The following ABCC12 variants were observed in gnomAD, a reference collection of about 807,000 sequenced individuals.
ABCC12 encodes the protein ATP binding cassette subfamily C member 12.
In ABCC12, 142 loss-of-function variants were observed where a neutral mutation model predicts 151.1. The ratio of observed to expected loss-of-function variants is 0.94; its 90% CI spans 0.82 to 1.08. ABCC12 has a LOEUF of 1.08. Ranked by LOEUF, ABCC12 falls within the 50% of genes least tolerant of loss-of-function variation. The pLI is 0.00. For synonymous variants in ABCC12, 645 were observed against 646.4 expected (o/e 1.00, Z 0.03); for missense variants, 1,638 against 1,691.1 (o/e 0.97, Z 0.55).
rs41280935 is a variant in ABCC12 at position 48,146,948 on chromosome 16, C to T, written c.-50-474G>A. Among the ~76,000 whole-genome samples, 1,206 of 152,072 alleles carry T rather than the reference C, an allele frequency of 7.9e-3. 4 individuals carry two copies. The highest frequency in any genetic ancestry group is 0.017 in the Middle Eastern group (5 of 294). On this transcript the variant is annotated intron_variant, in intron 2 of 30. Transcript: ENST00000311303. ...ACAAACATGCACACACACCGCCATGCGCATACACCCACACACACCCACGCA... is the reference window on the plus strand; with the variant it reads ...ACAAACATGCACACACACCGCCATGTGCATACACCCACACACACCCACGCA...
chr16:48,087,780 G>T, intron 27 of ABCC12, 146 bp downstream of exon 27: 1 of 803,102 alleles, frequency 1.2e-6, no homozygotes, highest in Non-Finnish European at 1.9e-6. Context: ...ACAGGGACCA[G>T]CAGTGCTTGT....
At chr16:48,141,047 C>T in intron 5 of ABCC12, 127 bp from the exon 6 acceptor site, 1 of 1,380,380 alleles carries the variant, frequency 7.2e-7, no homozygotes, top group Non-Finnish European at 9.8e-7. Flanking sequence ...GTGGCTGCTG[C>T]TGTGCTTGAC....
intron 2 of ABCC12, among the ~76,000 whole-genome samples, chr16:48,148,138 G>T (rs1363912367): frequency 6.6e-6 from 1 of 152,066 alleles, no homozygotes; most frequent in Admixed American, 6.5e-5. Context: ...AGTAGAGACA[G>T]GGTTTTGCCA....
At chr16:48,107,723 C>T (rs753924950) in intron 19 of ABCC12, among the ~76,000 whole-genome samples, 84 of 152,160 alleles carry the variant, frequency 5.5e-4, no homozygotes, top group Non-Finnish European at 9.6e-4. Context: ...CAAGGAAGGT[C>T]GGGCATGGTG....
chr16:48,154,180 C>A (rs1389903562), intron 1 of ABCC12, among the ~76,000 whole-genome samples: 2 of 152,084 alleles, frequency 1.3e-5, no homozygotes, highest in Non-Finnish European at 2.9e-5. Flanking sequence ...ACTGGTGCAC[C>A]CCTCTGCTAG....
chr16:48,138,579 TGAATTGCCAGGACTCAAAGA>T (rs1209514159), intron 7 of ABCC12, among the ~76,000 whole-genome samples: 1 of 152,112 alleles, frequency 6.6e-6, no homozygotes, highest in Non-Finnish European at 1.5e-5. Context: ...TGTAAAGGCA[TGAATTGCCAGGACTCAAAGA>T]GAGTGCTGGG....
At chr16:48,102,526 G>A (rs1012828266) in intron 22 of ABCC12, among the ~76,000 whole-genome samples, 1 of 152,068 alleles carries the variant, frequency 6.6e-6, no homozygotes, top group Non-Finnish European at 1.5e-5. Flanking sequence ...CAAGAACCTG[G>A]ACACCCTAAC....
chr16:48,106,031 C>A (rs1332197400), intron 20 of ABCC12, among the ~76,000 whole-genome samples: 6 of 152,206 alleles, frequency 3.9e-5, no homozygotes, highest in Non-Finnish European at 8.8e-5. Context: ...AGGGCATCTC[C>A]TTGCCCTGAG....
At chr16:48,149,463 T>G (rs1271262185) in intron 2 of ABCC12, among the ~76,000 whole-genome samples, 7 of 152,202 alleles carry the variant, frequency 4.6e-5, no homozygotes, top group Non-Finnish European at 1.0e-4. Context: ...TATGACAAGT[T>G]TATTTTAAAT....
At chr16:48,136,850 C>T (rs1220751388) in intron 8 of ABCC12, among the ~76,000 whole-genome samples, 3 of 152,158 alleles carry the variant, frequency 2.0e-5, no homozygotes, top group African/African-American at 7.2e-5. Context: ...AAGGCAGACA[C>T]CGCTAGAGCT....
At chr16:48,146,163 T>G in intron 3 of ABCC12, 143 bp downstream of exon 3, 2 of 720,632 alleles carry the variant, frequency 2.8e-6, no homozygotes, top group Middle Eastern at 6.9e-4. Flanking sequence ...GACTGATAAA[T>G]GAATGAACGT....
chr16:48,151,448 C>T (rs925419308), intron 2 of ABCC12, among the ~76,000 whole-genome samples: 3 of 151,450 alleles, frequency 2.0e-5, no homozygotes, highest in African/African-American at 7.3e-5. Context: ...GATCCTGGAA[C>T]CAAAAAAGGA....
At position 48,146,443 on chromosome 16, in the gene ABCC12, C is replaced by A. The variant is rs763857090; in HGVS notation, c.-19G>T. 69 of 1,608,302 alleles carry A rather than the reference C, an allele frequency of 4.3e-5. No homozygotes were observed. Among genetic ancestry groups the A allele is most frequent in the South Asian group, 1.1e-5 (1 of 90,950 alleles). On this transcript the variant is annotated 5_prime_UTR_variant, in exon 3 of 31. Transcript: ENST00000311303. The stretch of plus-strand genomic sequence containing the variant: ...CCACCATCCTGATGGCAGCCTGGAG[C>A]CCTGGGCTTTTGGCCTGGGGACACT...
chr16:48,088,103 A>G lies in ABCC12; in HGVS notation c.3476-18T>C. On this transcript the variant is annotated intron_variant, in intron 26 of 30. Transcript: ENST00000311303. ...TGACTTTCCTGGGAACCATAAAAGT[A>G]AGAACAACAAATCAAACATCAGTTT... 2.5e-6 allele frequency: 4 copies of G among 1,610,344 alleles called. No homozygotes were observed. The South Asian group carries it at 3.3e-5, about 13-fold the overall frequency.
chr16:48,124,127 T>C (rs1312621421), intron 12 of ABCC12, 86 bp downstream of exon 12: 3 of 1,415,104 alleles, frequency 2.1e-6, no homozygotes, highest in Admixed American at 1.7e-5. Context: ...GCCGAGGCCA[T>C]CTGCTGGGTC....
chr16:48,132,752 TAAG>T (rs1331769916), intron 9 of ABCC12, among the ~76,000 whole-genome samples: 1 of 152,208 alleles, frequency 6.6e-6, no homozygotes, highest in East Asian at 1.9e-4. Context: ...AGAATCAGGC[TAAG>T]AAGAATAGCT....
At position 48,128,722 on chromosome 16, in the gene ABCC12, T is replaced by A. The variant is rs145407844; in HGVS notation, c.1252A>T (p.Lys418Ter). Reference sequence around the variant, plus strand: ...TGGGTGATGTAAGATGGGGGGCTTTTATCTATGAGAATTTTCTAAGATTAA... The same window carrying A: ...TGGGTGATGTAAGATGGGGGGCTTTAATCTATGAGAATTTTCTAAGATTAA... ...LRRMKKILID[K>*]SPPSYITQPE... The change falls in exon 11 of 31, where the codon AAA becomes TAA. Residue 418 changes from lysine (K) to a stop codon, truncating the protein, a stop_gained. Transcript: ENST00000311303. LOFTEE classifies it high-confidence loss of function. 1 of 1,612,714 alleles carries A rather than the reference T, an allele frequency of 6.2e-7. No individual in the cohort carries two copies. Among genetic ancestry groups the A allele is most frequent in the Admixed American group, 1.7e-5 (1 of 59,778 alleles).
At chr16:48,122,384 G>T (rs1178751467) in intron 12 of ABCC12, among the ~76,000 whole-genome samples, 1 of 152,232 alleles carries the variant, frequency 6.6e-6, no homozygotes, top group Non-Finnish European at 1.5e-5. Flanking sequence ...AGGAGTCAAA[G>T]ATCCAGTTTT....
intron 21 of ABCC12, among the ~76,000 whole-genome samples, chr16:48,104,604 C>G (rs530894686): frequency 1.6e-4 from 24 of 152,268 alleles, no homozygotes; most frequent in African/African-American, 4.8e-4. Context: ...CCCTATAGGT[C>G]AGGCTTCCCC....
Sources: gnomAD v4.1 joint callset for allele counts (sites outside exome capture counted in the v4.1 genomes callset) on GRCh38, gnomAD v4.1.1 for gene constraint, MANE v1.5 for transcripts, NCBI Gene and HGNC (gene_info 2026-07-23, HGNC 2026-07-21) for gene names.